Variants in ATRNL1 observed in about 807,000 individuals in gnomAD.
ATRNL1 encodes attractin like 1.
A neutral mutation model predicts 182.7 loss-of-function variants in ATRNL1; 95 were observed. That is an observed-to-expected ratio of 0.52 (90% CI 0.44 to 0.62). The LOEUF is 0.62. ATRNL1 is among the 20% of genes least tolerant of loss of function. ATRNL1 has a pLI of 0.00. For synonymous variants in ATRNL1, 576 were observed against 568.3 expected, an observed-to-expected ratio of 1.01 and a Z score of -0.19; for missense variants, 1,471 against 1,679.5, an observed-to-expected ratio of 0.88 and a Z score of 2.17.
intron 15 of ATRNL1, among the ~76,000 whole-genome samples, chr10:115,289,360 T>G (rs931970420): frequency 1.3e-5 from 2 of 152,212 alleles, no homozygotes; most frequent in Admixed American, 6.5e-5. Flanking sequence ...GTTGTTTCCT[T>G]TGCTGTGCAG....
chr10:115,759,623 A>G (rs1176949438), intron 27 of ATRNL1, among the ~76,000 whole-genome samples: 1 of 152,040 alleles, frequency 6.6e-6, no homozygotes, highest in Non-Finnish European at 1.5e-5. Context: ...AAAAGTAAAG[A>G]TGATAATTTT....
chr10:115,433,656 C>A (rs1315542378), intron 21 of ATRNL1, among the ~76,000 whole-genome samples: 2 of 151,788 alleles, frequency 1.3e-5, no homozygotes, highest in African/African-American at 4.8e-5. Context: ...ATTTTTATTT[C>A]AGAACTATTT....
At chr10:115,681,302 T>C (rs962738645) in intron 26 of ATRNL1, among the ~76,000 whole-genome samples, 1 of 152,168 alleles carries the variant, frequency 6.6e-6, no homozygotes, top group Non-Finnish European at 1.5e-5. Flanking sequence ...GAGTAAGTAT[T>C]GGACAAAGTC....
At chr10:115,355,748 A>G (rs1427033096) in intron 19 of ATRNL1, among the ~76,000 whole-genome samples, 1 of 152,032 alleles carries the variant, frequency 6.6e-6, no homozygotes, top group Non-Finnish European at 1.5e-5. Flanking sequence ...TGGTATTATG[A>G]ATACATTTTT....
intron 27 of ATRNL1, among the ~76,000 whole-genome samples, chr10:115,798,848 T>G (rs1555083653): frequency 2.8e-5 from 4 of 143,148 alleles, no homozygotes; most frequent in Non-Finnish European, 4.5e-5. Context: ...TTTTTTTGAG[T>G]CGGAGCCTCG....
chr10:115,239,306 C>T lies in ATRNL1; in HGVS notation c.1533-2265C>T, dbSNP rs376371865. On this transcript the variant is annotated intron_variant, in intron 9 of 28. Coordinates refer to ENST00000355044, the MANE Select transcript of ATRNL1 (RefSeq NM_207303.4). ...AGAGTGCAGTGGTGCGATCTCAGCT[C>T]GCTGGAACCTCTGCCTCCCGGGTTC... is the stretch of plus-strand genomic sequence containing the variant. Among the ~76,000 whole-genome samples the T allele has an allele frequency of 6.7e-4, 102 of 152,136 alleles. 1 individual carries two copies. The South Asian group carries it at 0.021, about 31-fold the overall frequency.
At chr10:115,663,764 A>G (rs1860840117) in intron 26 of ATRNL1, among the ~76,000 whole-genome samples, 1 of 152,134 alleles carries the variant, frequency 6.6e-6, no homozygotes, top group African/African-American at 2.4e-5. Context: ...GTACACACAA[A>G]CTGGACCTGC....
chr10:115,852,289 C>T (rs1005449855), intron 28 of ATRNL1, among the ~76,000 whole-genome samples: 14 of 152,134 alleles, frequency 9.2e-5, no homozygotes, highest in Non-Finnish European at 1.5e-4. Context: ...AAGTTTTCTA[C>T]GTTAGCCTTA....
Position 115,300,077 on chromosome 10 carries a change from A to G in ATRNL1, c.2459A>G (p.Tyr820Cys), listed in dbSNP as rs1341813361. 3.1e-6 allele frequency: 5 copies of G among 1,614,002 alleles called. No homozygotes were observed. The highest frequency in any genetic ancestry group is 2.5e-6 in the Non-Finnish European group (3 of 1,179,888). Residue 820 changes from tyrosine to cysteine, a missense_variant, in exon 16 of 29, where the codon TAT becomes TGT. Around this residue, in one of 3 missense-constraint regions of ATRNL1, gnomAD observed 1,031 missense variants for 1,156.0 expected, o/e 0.89. Coordinates refer to ENST00000355044, the MANE Select transcript of ATRNL1 (RefSeq NM_207303.4). ...WVGLRKINIS[Y>C]WGWEDMSPFT... is the part of the protein sequence containing the mutation. ...GGCTTGCGCAAGATCAATATATCCTATTGGGGATGGGAAGACATGTCTCCT... is the reference window on the plus strand; with the variant it reads ...GGCTTGCGCAAGATCAATATATCCTGTTGGGGATGGGAAGACATGTCTCCT...
chr10:115,239,377 C>G (rs374909761), intron 9 of ATRNL1, among the ~76,000 whole-genome samples: 3 of 151,962 alleles, frequency 2.0e-5, no homozygotes, highest in Non-Finnish European at 4.4e-5. Context: ...GGACTACAGG[C>G]GCAGGCTACC....
chr10:115,370,567 G>A (rs567296626), intron 19 of ATRNL1, among the ~76,000 whole-genome samples: 1 of 152,342 alleles, frequency 6.6e-6, no homozygotes, highest in Admixed American at 6.5e-5. Context: ...CCTTGCCCTA[G>A]AGATTTGTGG....
rs113500569 is a variant in ATRNL1 at position 115,750,616 on chromosome 10, T to C, written c.3903+23261T>C. Among the ~76,000 whole-genome samples the C allele has an allele frequency of 4.2e-3, 632 of 151,778 alleles. 4 individuals carry two copies. The highest frequency in any genetic ancestry group is 0.015 in the African/African-American group (617 of 41,506). On this transcript the variant is annotated intron_variant, in intron 27 of 28. Transcript: ENST00000355044. ...AGGAAAAGGCTAATAAAGGTGACAATATGAAAATTTAGAAAAAAAAACTTT... is the reference window on the plus strand; with the variant it reads ...AGGAAAAGGCTAATAAAGGTGACAACATGAAAATTTAGAAAAAAAAACTTT...
At chr10:115,508,097 T>A (rs1358260068) in intron 24 of ATRNL1, among the ~76,000 whole-genome samples, 1 of 152,010 alleles carries the variant, frequency 6.6e-6, no homozygotes, top group African/African-American at 2.4e-5. Flanking sequence ...CTGCACCACA[T>A]TTTGGTTATT....
At chr10:115,440,735 A>G (rs767310298) in intron 21 of ATRNL1, among the ~76,000 whole-genome samples, 1 of 151,330 alleles carries the variant, frequency 6.6e-6, no homozygotes, top group Admixed American at 6.6e-5. Context: ...ACTCTTCACT[A>G]CTCTGTGTCT....
intron 26 of ATRNL1, among the ~76,000 whole-genome samples, chr10:115,659,430 C>G (rs1860535831): frequency 6.6e-6 from 1 of 152,006 alleles, no homozygotes; most frequent in Admixed American, 6.6e-5. Flanking sequence ...TTACATAATT[C>G]AGCATATATT....
chr10:115,177,906 T>G (rs1554887078), intron 8 of ATRNL1, among the ~76,000 whole-genome samples: 3 of 139,314 alleles, frequency 2.2e-5, no homozygotes, highest in Admixed American at 7.4e-5. Flanking sequence ...TTTTTTTGTT[T>G]TTTTTGTTTT....
rs1244585018 is a variant in ATRNL1, at chr10:115,947,532, CTAA to C, written c.*2757_*2759del. On this transcript the variant is annotated 3_prime_UTR_variant, in exon 29 of 29. Coordinates refer to ENST00000355044, the MANE Select transcript of ATRNL1 (RefSeq NM_207303.4). ...AATTTGCACATACTTACAGATTCAGCTAATAAATTTTAAGAGGATTAGGATTCT... is the reference window on the plus strand; with the variant it reads ...AATTTGCACATACTTACAGATTCAGCTAAATTTTAAGAGGATTAGGATTCT... 6.6e-6 allele frequency: 1 copy of C among 152,470 alleles called. No homozygotes were observed. Among genetic ancestry groups the C allele is most frequent in the African/African-American group, 2.4e-5 (1 of 41,382 alleles). 9.4% of individuals were successfully genotyped at this position (152,470 alleles called of 1,614,324 possible). A position where few individuals can be genotyped will look rare whatever the true frequency, so the allele number is the denominator to read the frequency against.
chr10:115,473,888 C>G (rs973859240), intron 24 of ATRNL1, among the ~76,000 whole-genome samples: 1 of 151,116 alleles, frequency 6.6e-6, no homozygotes, highest in Non-Finnish European at 1.5e-5. Flanking sequence ...TTCTTATGAC[C>G]TTTTGGTATC....
At chr10:115,349,838 T>G (rs769229869) in intron 19 of ATRNL1, among the ~76,000 whole-genome samples, 34 of 152,188 alleles carry the variant, frequency 2.2e-4, no homozygotes, top group Non-Finnish European at 4.4e-4. Context: ...GAGCTCCTTA[T>G]GTGTTCTGGT....
Sources: allele counts gnomAD v4.1 joint callset (sites outside exome capture counted in the v4.1 genomes callset), GRCh38; gene constraint gnomAD v4.1.1; regional missense constraint gnomAD v4.1.1; transcripts MANE v1.5; gene names NCBI Gene and HGNC (gene_info 2026-07-23, HGNC 2026-07-21).